CELF2: variants seen among roughly 807,000 people sequenced by gnomAD.
CELF2 encodes CUGBP Elav-like family member 2.
CELF2 carries 8 observed loss-of-function variants against 62.6 expected under a neutral mutation model. That is an observed-to-expected ratio of 0.13 (90% confidence interval 0.07 to 0.23). CELF2 has a LOEUF of 0.23. Among genes scored for constraint, CELF2 ranks in the 10% least tolerant of loss-of-function variants. The pLI, the probability that CELF2 is intolerant of heterozygous loss-of-function variation, is 1.00. For missense variants in CELF2, 333 were observed against 671.0 expected (o/e 0.50, Z 5.56); for synonymous variants, 258 against 250.0 (o/e 1.03, Z -0.30).
intron 9 of CELF2, among the ~76,000 whole-genome samples, chr10:11,293,693 T>G (rs1409516401): frequency 6.6e-6 from 1 of 152,258 alleles, no homozygotes; most frequent in Non-Finnish European, 1.5e-5. Flanking sequence ...TGTCTTGCCC[T>G]CTAGCCAGTG....
intron 1 of CELF2, among the ~76,000 whole-genome samples, chr10:11,086,596 A>AC (rs922016621): frequency 1.4e-5 from 2 of 148,142 alleles, no homozygotes; most frequent in African/African-American, 5.0e-5. Flanking sequence ...AAAAAAAAAA[A>AC]AAAAAAAAAA....
rs79254791 is a variant in CELF2 at position 11,025,594 on chromosome 10, T to G, written c.74+7431T>G. 8.3e-3 allele frequency among the ~76,000 whole-genome samples: 1,261 copies of G among 152,318 alleles called. 21 individuals carry two copies. Among genetic ancestry groups the G allele is most frequent in the African/African-American group, 0.029 (1,198 of 41,562 alleles). ...TAACTGTGAGTTGAGTAAAACTCTCTTCTTTATAAATTACCCAGTCTCAGG... is the reference window on the plus strand; with the variant it reads ...TAACTGTGAGTTGAGTAAAACTCTCGTCTTTATAAATTACCCAGTCTCAGG... On this transcript the variant is annotated intron_variant, in intron 1 of 12. Coordinates refer to ENST00000633077, the MANE Select transcript of CELF2 (RefSeq NM_001326342.2).
At chr10:10,477,195 C>T in the CELF2 span, among the ~76,000 whole-genome samples, 1 of 152,204 alleles carries the variant, frequency 6.6e-6, no homozygotes, top group African/African-American at 2.4e-5. Context: ...AGTCCACATT[C>T]TTAGCCTGGC....
At chr10:10,740,153 CT>C in the CELF2 span, among the ~76,000 whole-genome samples, 11,874 of 94,250 alleles carry the variant, frequency 0.13, 361 homozygotes, top group Middle Eastern at 0.19. Flanking sequence ...GTTGCCTGTG[CT>C]TTTTTTTTTT....
chr10:11,181,415 A>G lies in CELF2; in HGVS notation c.271+15733A>G, dbSNP rs865800195. Among the ~76,000 whole-genome samples the G allele has an allele frequency of 2.0e-5, 3 of 152,318 alleles. No individual in the cohort carries two copies. In the Middle Eastern group the frequency reaches 0.01, roughly 518 times the overall value. ...GTGTGTGGTAACCAATAGGTGCTTAATGTTTGTTCAAGTACACTGAATTAT... is the reference window on the plus strand; with the variant it reads ...GTGTGTGGTAACCAATAGGTGCTTAGTGTTTGTTCAAGTACACTGAATTAT... On this transcript the variant is annotated intron_variant, in intron 2 of 12. Coordinates refer to ENST00000633077, the MANE Select transcript of CELF2 (RefSeq NM_001326342.2).
chr10:10,821,596 ACT>A (rs1390217239), intron 1 of CELF2, among the ~76,000 whole-genome samples: 1 of 151,556 alleles, frequency 6.6e-6, no homozygotes, highest in Non-Finnish European at 1.5e-5. Flanking sequence ...GGGCTTCCTG[ACT>A]CTCTCTTCCA....
intron 1 of CELF2, among the ~76,000 whole-genome samples, chr10:11,044,007 G>A (rs1480551109): frequency 6.6e-6 from 1 of 152,176 alleles, no homozygotes; most frequent in Non-Finnish European, 1.5e-5. Context: ...GGTTGTCTGT[G>A]CTCGCTCTTC....
the CELF2 span, among the ~76,000 whole-genome samples, chr10:10,518,590 A>G: frequency 1.3e-5 from 2 of 152,232 alleles, no homozygotes; most frequent in Non-Finnish European, 2.9e-5. Flanking sequence ...ACCAAGATGC[A>G]GTAAAATTCT....
At chr10:10,682,157 A>C in the CELF2 span, among the ~76,000 whole-genome samples, 1 of 152,188 alleles carries the variant, frequency 6.6e-6, no homozygotes, top group East Asian at 1.9e-4. Context: ...ACCCCGAGTA[A>C]AATCTTATTT....
chr10:10,966,917 G>A (rs559553406), intron 2 of CELF2, among the ~76,000 whole-genome samples: 1 of 152,230 alleles, frequency 6.6e-6, no homozygotes, highest in Non-Finnish European at 1.5e-5. Context: ...GGAATAGTTT[G>A]GGATGAACCA....
At chr10:10,564,594 C>T in the CELF2 span, among the ~76,000 whole-genome samples, 1 of 151,276 alleles carries the variant, frequency 6.6e-6, no homozygotes, top group African/African-American at 2.4e-5. Flanking sequence ...TGACTCATTA[C>T]ACCTTGCCCT....
At chr10:10,893,719 C>T (rs1010025421) in intron 1 of CELF2, among the ~76,000 whole-genome samples, 2 of 152,142 alleles carry the variant, frequency 1.3e-5, no homozygotes, top group Admixed American at 6.6e-5. Context: ...GAGTGGGACA[C>T]CTCACAAGGT....
intron 5 of CELF2, among the ~76,000 whole-genome samples, chr10:11,259,356 G>GTCTA (rs1420042899): frequency 6.6e-6 from 1 of 151,088 alleles, no homozygotes; most frequent in African/African-American, 2.4e-5. Flanking sequence ...CATGAAGGTA[G>GTCTA]TCTACAGGAG....
intron 8 of CELF2, among the ~76,000 whole-genome samples, 172 bp downstream of exon 8, chr10:11,275,292 T>TA (rs1374227234): frequency 6.6e-6 from 1 of 152,212 alleles, no homozygotes; most frequent in African/African-American, 2.4e-5. Context: ...GTGTCTCTGT[T>TA]ATTTCTTAGG....
upstream of CELF2, chr10:10,794,735 C>G (rs991428154): frequency 2.0e-5 from 3 of 152,100 alleles, no homozygotes; most frequent in Admixed American, 6.6e-5. Flanking sequence ...TTGGCTTACT[C>G]GTGCCACAAG....
chr10:10,674,354 A>C, the CELF2 span, among the ~76,000 whole-genome samples: 2 of 152,172 alleles, frequency 1.3e-5, no homozygotes, highest in African/African-American at 4.8e-5. Context: ...TCTTTTGATT[A>C]GTGTTAGCAT....
chr10:10,857,077 G>A (rs2132999233), intron 1 of CELF2, among the ~76,000 whole-genome samples: 1 of 152,182 alleles, frequency 6.6e-6, no homozygotes, highest in South Asian at 2.1e-4. Context: ...AACCCAAGCA[G>A]AGAACAATAG....
the CELF2 span, among the ~76,000 whole-genome samples, chr10:10,779,287 G>C: frequency 2.6e-5 from 4 of 152,168 alleles, no homozygotes; most frequent in Non-Finnish European, 5.9e-5. Context: ...CCCTAACACA[G>C]GCTTGTTCTG....
chr10:10,907,662 ATTTTT>A (rs869151378), intron 1 of CELF2, among the ~76,000 whole-genome samples: 1 of 94,300 alleles, frequency 1.1e-5, no homozygotes, highest in Non-Finnish European at 2.2e-5. Flanking sequence ...ATTTTATTTT[ATTTTT>A]TTAGTGATTA....
Sources: gnomAD v4.1 joint callset for allele counts (sites outside exome capture counted in the v4.1 genomes callset) on GRCh38, gnomAD v4.1.1 for gene constraint, MANE v1.5 for transcripts, NCBI Gene and HGNC (gene_info 2026-07-23, HGNC 2026-07-21) for gene names.